Variants in CNTN5 observed in about 807,000 individuals in gnomAD.
CNTN5 encodes the protein contactin-5.
Under a neutral mutation model 129.1 loss-of-function variants are expected in CNTN5, and 77 were observed. The ratio of observed to expected loss-of-function variants is 0.60; its 90% CI spans 0.50 to 0.72. The LOEUF is 0.72. Among genes scored for constraint, CNTN5 ranks in the 30% least tolerant of loss-of-function variants. The probability of loss-of-function intolerance (pLI) is 0.00; values close to 1 mark genes in which losing one functional copy is unlikely to be tolerated. For missense variants in CNTN5, 1,478 were observed against 1,328.8 expected, an observed-to-expected ratio of 1.11 and a Z score of -1.75; for synonymous variants, 509 against 465.6, an observed-to-expected ratio of 1.09 and a Z score of -1.20.
In CNTN5 at chr11:100,204,102, T is replaced by C. The variant is rs143281289; in HGVS notation, c.1884+10439T>C. 7.3e-5 allele frequency among the ~76,000 whole-genome samples: 11 copies of C among 151,012 alleles called. No individual in the cohort carries two copies. In the East Asian group the frequency reaches 2.0e-3, roughly 27 times the overall value. On this transcript the variant is annotated intron_variant, in intron 15 of 24. Transcript: ENST00000524871. Reference sequence around the variant, plus strand: ...ATGCTGCTTTAAACATTTGCTCAGTTTTTTTTCCTCTTCTAGTCTTTATGT... The same window carrying C: ...ATGCTGCTTTAAACATTTGCTCAGTCTTTTTTCCTCTTCTAGTCTTTATGT...
chr11:100,009,177 A>C (rs1940369457), intron 9 of CNTN5, among the ~76,000 whole-genome samples: 1 of 152,136 alleles, frequency 6.6e-6, no homozygotes, highest in African/African-American at 2.4e-5. Context: ...TCTCCTAAAG[A>C]AACCTCTACT....
chr11:99,112,720 G>A (rs1032760304), intron 1 of CNTN5, among the ~76,000 whole-genome samples: 2 of 151,926 alleles, frequency 1.3e-5, no homozygotes, highest in Non-Finnish European at 1.5e-5. Context: ...CAATATTGAA[G>A]CTACAGCACT....
chr11:99,469,524 C>T (rs1013245993), intron 2 of CNTN5, among the ~76,000 whole-genome samples: 1 of 151,874 alleles, frequency 6.6e-6, no homozygotes, highest in Non-Finnish European at 1.5e-5. Context: ...TAATATTGAT[C>T]TATGTTGGGA....
chr11:100,309,398 AAAT>A, intron 21 of CNTN5: 3 of 970,274 alleles, frequency 3.1e-6, no homozygotes, highest in Non-Finnish European at 3.7e-6. Flanking sequence ...AGCTGGCATT[AAAT>A]AATGATTTCT....
At chr11:99,975,488 C>G (rs772945331) in intron 8 of CNTN5, among the ~76,000 whole-genome samples, 5 of 152,146 alleles carry the variant, frequency 3.3e-5, no homozygotes, top group South Asian at 2.1e-4. Flanking sequence ...CATTCTCACA[C>G]TGCTATAAAG....
At chr11:99,312,148 G>A (rs951654540) in intron 1 of CNTN5, among the ~76,000 whole-genome samples, 2 of 152,008 alleles carry the variant, frequency 1.3e-5, no homozygotes, top group African/African-American at 4.8e-5. Context: ...TATATATTTT[G>A]CATCAATCCA....
intron 1 of CNTN5, among the ~76,000 whole-genome samples, chr11:99,041,110 T>G (rs1344188309): frequency 6.6e-6 from 1 of 152,150 alleles, no homozygotes; most frequent in Non-Finnish European, 1.5e-5. Context: ...GGCCTTTAAT[T>G]TTCAGTACAT....
intron 1 of CNTN5, among the ~76,000 whole-genome samples, chr11:99,057,934 G>A (rs1864699205): frequency 6.6e-6 from 1 of 151,688 alleles, no homozygotes; most frequent in Non-Finnish European, 1.5e-5. Flanking sequence ...CAGACAGTGA[G>A]GGAAAAATCC....
chr11:99,160,873 A>G (rs1329862977), intron 1 of CNTN5, among the ~76,000 whole-genome samples: 3 of 152,218 alleles, frequency 2.0e-5, no homozygotes, highest in South Asian at 2.1e-4. Context: ...ATGCCAAGAG[A>G]AGGGCAGAAA....
chr11:99,871,846 G>A (rs1442257675), intron 6 of CNTN5, among the ~76,000 whole-genome samples: 1 of 151,596 alleles, frequency 6.6e-6, no homozygotes, highest in South Asian at 2.1e-4. Context: ...AGTTTGGTTG[G>A]TTTACACAGT....
intron 3 of CNTN5, among the ~76,000 whole-genome samples, chr11:99,786,547 G>T (rs2135413864): frequency 6.6e-6 from 1 of 152,156 alleles, no homozygotes; most frequent in East Asian, 1.9e-4. Flanking sequence ...ATATAGCCAA[G>T]ACAATCCTAA....
chr11:99,158,155 C>T (rs577519131), intron 1 of CNTN5, among the ~76,000 whole-genome samples: 1 of 152,122 alleles, frequency 6.6e-6, no homozygotes, highest in South Asian at 2.1e-4. Context: ...TCCACCTCAC[C>T]TCTCTCTCCA....
chr11:99,509,600 A>G (rs1350212178), intron 2 of CNTN5, among the ~76,000 whole-genome samples: 3 of 152,284 alleles, frequency 2.0e-5, no homozygotes, highest in African/African-American at 7.2e-5. Context: ...AAAATAAGTG[A>G]TTGAATTTTT....
chr11:100,111,680 A>AT (rs1156481495), intron 13 of CNTN5, among the ~76,000 whole-genome samples: 1 of 152,140 alleles, frequency 6.6e-6, no homozygotes, highest in East Asian at 1.9e-4. Flanking sequence ...TCTTAAGAAA[A>AT]TTTAAGTGTA....
At chr11:99,977,849 C>T (rs542251127) in intron 8 of CNTN5, among the ~76,000 whole-genome samples, 2 of 152,316 alleles carry the variant, frequency 1.3e-5, no homozygotes, top group South Asian at 2.1e-4. Flanking sequence ...AACAAATACA[C>T]TAGTCAGGCT....
At chr11:99,502,724 G>T (rs540751574) in intron 2 of CNTN5, among the ~76,000 whole-genome samples, 5 of 152,254 alleles carry the variant, frequency 3.3e-5, no homozygotes, top group African/African-American at 7.2e-5. Context: ...TTCAACAAAA[G>T]CACAGTTATG....
At chr11:100,180,485 A>G (rs1948107773) in intron 13 of CNTN5, among the ~76,000 whole-genome samples, 1 of 152,038 alleles carries the variant, frequency 6.6e-6, no homozygotes, top group South Asian at 2.1e-4. Context: ...CCTCAAAATG[A>G]ATCAGAGACT....
Position 100,358,717 on chromosome 11 carries a change from A to G in CNTN5, c.*2497A>G, listed in dbSNP as rs1211697916. 6.6e-6 allele frequency: 1 copy of G among 151,906 alleles called. No homozygotes were observed. The highest frequency in any genetic ancestry group is 1.5e-5 in the Non-Finnish European group (1 of 67,852). The allele number at this position is 151,906 out of a possible 1,614,324, so 9.4% of individuals were successfully genotyped here. A position where few individuals can be genotyped will look rare whatever the true frequency, so the allele number is the denominator to read the frequency against. ...GCAAAAGTTTTGCATACCCAAATGA[A>G]GGTACTGTGGACCCCATGTCAAACT... On this transcript the variant is annotated 3_prime_UTR_variant, in exon 25 of 25. Transcript: ENST00000524871.
intron 4 of CNTN5, 72 bp from the exon 5 acceptor site, chr11:99,844,780 T>A: frequency 6.9e-7 from 1 of 1,444,866 alleles, no homozygotes; most frequent in South Asian, 1.3e-5. Context: ...ATAAGTAAGA[T>A]GGAAAAGAAA....
Sources: gnomAD v4.1 joint callset for allele counts (sites outside exome capture counted in the v4.1 genomes callset) on GRCh38, gnomAD v4.1.1 for gene constraint, MANE v1.5 for transcripts, NCBI Gene and HGNC (gene_info 2026-07-23, HGNC 2026-07-21) for gene names.